PLA2R1: variants seen among roughly 807,000 people sequenced by gnomAD.
The protein encoded by PLA2R1 is secretory phospholipase A2 receptor.
Under a neutral mutation model 195.9 loss-of-function variants are expected in PLA2R1, and 158 were observed. That is an observed-to-expected ratio of 0.81 (90% CI 0.71 to 0.92). The LOEUF (loss-of-function observed/expected upper bound fraction) is 0.92. Among genes scored for constraint, PLA2R1 ranks in the 40% least tolerant of loss-of-function variants. PLA2R1 has a pLI of 0.00. For missense variants in PLA2R1, 1,626 were observed against 1,764.6 expected (o/e 0.92, Z 1.41); for synonymous variants, 586 against 598.2 (o/e 0.98, Z 0.30).
chr2:159,995,289 T>A (rs1415392641), intron 11 of PLA2R1, among the ~76,000 whole-genome samples: 1 of 152,088 alleles, frequency 6.6e-6, no homozygotes, highest in African/African-American at 2.4e-5. Context: ...ATGGCATTAT[T>A]TTTGCTTTAG....
intron 3 of PLA2R1, among the ~76,000 whole-genome samples, chr2:160,038,436 C>T (rs1464519648): frequency 6.6e-6 from 1 of 152,162 alleles, no homozygotes; most frequent in Non-Finnish European, 1.5e-5. Flanking sequence ...GGAACGGGGA[C>T]CACACATTGA....
At chr2:160,012,490 C>A (rs1319865485) in intron 10 of PLA2R1, among the ~76,000 whole-genome samples, 1 of 152,170 alleles carries the variant, frequency 6.6e-6, no homozygotes, top group African/African-American at 2.4e-5. Context: ...ACAGAGAAGT[C>A]TCAATCTAAA....
downstream of PLA2R1, among the ~76,000 whole-genome samples, chr2:159,931,064 C>T (rs1418914918): frequency 3.3e-5 from 5 of 152,154 alleles, no homozygotes; most frequent in Admixed American, 6.5e-5. Flanking sequence ...CAGCTGAAGC[C>T]GCAGCTTACC....
At position 159,967,617 on chromosome 2, in the gene PLA2R1, A is replaced by G; in HGVS notation, c.2826T>C (p.Val942=). 8 of 1,613,772 alleles carry G rather than the reference A, an allele frequency of 5.0e-6. No homozygotes were observed. Among genetic ancestry groups the G allele is most frequent in the Non-Finnish European group, 5.9e-6 (7 of 1,179,734 alleles). ...SMPSICKRKK[V]WLIEKKKDTP... is the part of the protein sequence containing the mutation. ...TATCTTTCTTTTTCTCTATGAGCCA[A>G]ACCTTTTTTCGCTTACAGATACTAG... Residue 942 remains valine (V), a synonymous_variant, in exon 20 of 30, where the codon GTT becomes GTC. Transcript: ENST00000283243.
chr2:159,967,471 T>C, intron 20 of PLA2R1, 68 bp downstream of exon 20: 2 of 1,420,638 alleles, frequency 1.4e-6, no homozygotes, highest in Non-Finnish European at 1.9e-6. Flanking sequence ...ACTTTCACTT[T>C]TTGAACACTT....
At chr2:160,013,594 A>G (rs1288759073) in intron 9 of PLA2R1, among the ~76,000 whole-genome samples, 4 of 151,986 alleles carry the variant, frequency 2.6e-5, no homozygotes, top group African/African-American at 9.7e-5. Flanking sequence ...TAAAACCTAA[A>G]ATTTTTAATT....
chr2:160,042,024 C>A lies in PLA2R1; in HGVS notation c.667+1G>T, dbSNP rs1250169880. On this transcript the variant is annotated splice_donor_variant, in intron 3 of 29. Transcript: ENST00000283243. LOFTEE classifies it high-confidence loss of function. ...ATAGAGAAGACAAAATTTATTCTTA[C>A]TGGGATCAGGGCAAAATCCCCACTT... The A allele has an allele frequency of 6.2e-7, 1 of 1,610,296 alleles. No homozygotes were observed. The highest frequency in any genetic ancestry group is 1.1e-5 in the South Asian group (1 of 90,794).
Position 160,042,180 on chromosome 2 carries a change from C to T in PLA2R1, c.512G>A (p.Gly171Glu), listed in dbSNP as rs746305818. Residue 171 changes from glycine to glutamate, a missense_variant, in exon 3 of 30, where the codon GGG becomes GAG. Coordinates refer to ENST00000283243, the MANE Select transcript of PLA2R1 (RefSeq NM_007366.5). ...YLHKDLHTIK[G>E]NTHGMPCMFP... is the part of the protein sequence containing the mutation. The stretch of plus-strand genomic sequence containing the variant: ...CATACACGGCATCCCGTGGGTGTTC[C>T]CTTTGATTGTATGCAAATCTAGGAG... The T allele has an allele frequency of 3.7e-6, 6 of 1,613,432 alleles. No individual in the cohort carries two copies. The highest frequency in any genetic ancestry group is 5.1e-6 in the Non-Finnish European group (6 of 1,179,518).
intron 11 of PLA2R1, among the ~76,000 whole-genome samples, chr2:159,992,151 C>T (rs995862798): frequency 1.8e-4 from 27 of 150,226 alleles, no homozygotes; most frequent in African/African-American, 6.6e-4. Flanking sequence ...TTAATGATTG[C>T]CATTCTAACT....
chr2:159,991,358 G>C lies in PLA2R1; in HGVS notation c.1835-4000C>G, dbSNP rs139172070. On this transcript the variant is annotated intron_variant, in intron 11 of 29. Coordinates refer to ENST00000283243, the MANE Select transcript of PLA2R1 (RefSeq NM_007366.5). ...CTTATTTATATGGTGGCTCATTTCAGAGCTCTGATGAGCCTTAAAATGGAT... is the reference window on the plus strand; with the variant it reads ...CTTATTTATATGGTGGCTCATTTCACAGCTCTGATGAGCCTTAAAATGGAT... Among the ~76,000 whole-genome samples, 390 of 151,928 alleles carry C rather than the reference G, an allele frequency of 2.6e-3. 2 individuals are homozygous for C. Among genetic ancestry groups the C allele is most frequent in the Non-Finnish European group, 4.9e-3 (331 of 67,970 alleles).
At chr2:159,965,952 C>T (rs141037125) in intron 20 of PLA2R1, among the ~76,000 whole-genome samples, 90 of 152,286 alleles carry the variant, frequency 5.9e-4, no homozygotes, top group African/African-American at 2.1e-3. Flanking sequence ...GACCACCAGA[C>T]TCAGGGTCAG....
chr2:160,060,487 T>C (rs1383737136), intron 1 of PLA2R1, among the ~76,000 whole-genome samples: 2 of 152,242 alleles, frequency 1.3e-5, no homozygotes, highest in Non-Finnish European at 2.9e-5. Context: ...GGAGAGAGCC[T>C]GTGCCTGTGC....
chr2:159,957,138 G>C (rs188251013), intron 20 of PLA2R1, among the ~76,000 whole-genome samples: 1 of 152,228 alleles, frequency 6.6e-6, no homozygotes, highest in East Asian at 1.9e-4. Flanking sequence ...TGGTCACTAA[G>C]TCTATTGGGA....
In PLA2R1 at chr2:160,032,952, T is replaced by C. The variant is rs760986477; in HGVS notation, c.841+7A>G. ...TCAATATCAATGTGCGTCATCCACC[T>C]ACTTACCCCTTATGAAATTTTCTTC... On this transcript the variant is annotated splice_region_variant and intron_variant, in intron 4 of 29. Coordinates refer to ENST00000283243, the MANE Select transcript of PLA2R1 (RefSeq NM_007366.5). The C allele has an allele frequency of 6.3e-7, 1 of 1,586,918 alleles. No homozygotes were observed. Among genetic ancestry groups the C allele is most frequent in the South Asian group, 1.1e-5 (1 of 89,348 alleles).
rs1573929853 is a variant in PLA2R1, at chr2:160,028,838, C to T, written c.955+12G>A. On this transcript the variant is annotated intron_variant, in intron 5 of 29. Coordinates refer to ENST00000283243, the MANE Select transcript of PLA2R1 (RefSeq NM_007366.5). The stretch of plus-strand genomic sequence containing the variant: ...TGCCACGTGACGAAGGCAAAGAAAA[C>T]ACTGCGGGTACCTGGGCTCCAATTC... The T allele has an allele frequency of 1.9e-6, 3 of 1,542,546 alleles. No individual in the cohort carries two copies. The highest frequency in any genetic ancestry group is 1.8e-6 in the Non-Finnish European group (2 of 1,113,606).
At chr2:160,032,128 T>C (rs1365107192) in intron 4 of PLA2R1, among the ~76,000 whole-genome samples, 2 of 152,272 alleles carry the variant, frequency 1.3e-5, no homozygotes, top group Non-Finnish European at 2.9e-5. Flanking sequence ...CATGCATTTA[T>C]ATGTTTTTGC....
At chr2:159,972,928 A>C (rs560836565) in intron 17 of PLA2R1, among the ~76,000 whole-genome samples, 1 of 152,288 alleles carries the variant, frequency 6.6e-6, no homozygotes, top group East Asian at 1.9e-4. Flanking sequence ...TATTTGCTTC[A>C]GATTTTTAAA....
intron 26 of PLA2R1, among the ~76,000 whole-genome samples, 181 bp downstream of exon 26, chr2:159,947,238 T>C (rs957000022): frequency 6.6e-6 from 1 of 152,218 alleles, no homozygotes; most frequent in African/African-American, 2.4e-5. Context: ...CACTGGACAT[T>C]GTTTCATATA....
intron 10 of PLA2R1, among the ~76,000 whole-genome samples, chr2:160,008,784 T>C (rs893962285): frequency 1.3e-5 from 2 of 152,164 alleles, no homozygotes; most frequent in African/African-American, 4.8e-5. Flanking sequence ...GAGAAAGTAT[T>C]TGCAAGTTGT....
Sources: gnomAD v4.1 joint callset for allele counts (sites outside exome capture counted in the v4.1 genomes callset) on GRCh38, gnomAD v4.1.1 for gene constraint, MANE v1.5 for transcripts, NCBI Gene and HGNC (gene_info 2026-07-23, HGNC 2026-07-21) for gene names.